ERBB4: variants seen among roughly 807,000 people sequenced by gnomAD.
ERBB4 encodes erb-b2 receptor tyrosine kinase 4, also known as receptor tyrosine-protein kinase erbB-4.
ERBB4 carries 42 observed loss-of-function variants against 158.0 expected under a neutral mutation model. The ratio of observed to expected loss-of-function variants is 0.27; its 90% CI spans 0.21 to 0.34. ERBB4 has a LOEUF of 0.34. Ranked by LOEUF, ERBB4 falls within the 10% of genes least tolerant of loss-of-function variation. The pLI is 1.00. For synonymous variants in ERBB4, 583 were observed against 558.7 expected (o/e 1.04, Z -0.61); for missense variants, 1,333 against 1,624.1 (o/e 0.82, Z 3.08).
intron 9 of ERBB4, among the ~76,000 whole-genome samples, chr2:211,706,331 G>A (rs768173197): frequency 4.6e-5 from 7 of 151,936 alleles, no homozygotes; most frequent in Non-Finnish European, 1.0e-4. Context: ...TTGGTATGGC[G>A]AATAACCATT....
intron 2 of ERBB4, among the ~76,000 whole-genome samples, chr2:211,949,719 G>C (rs1245435458): frequency 6.6e-6 from 1 of 151,958 alleles, no homozygotes; most frequent in African/African-American, 2.4e-5. Context: ...CTTTCATCTT[G>C]TTATCTTCTT....
chr2:211,826,354 GGA>G (rs896495860), intron 3 of ERBB4, among the ~76,000 whole-genome samples: 6 of 151,536 alleles, frequency 4.0e-5, no homozygotes, highest in Admixed American at 3.3e-4. Context: ...CTGTCTTTAT[GGA>G]ACCTTCTATC....
intron 13 of ERBB4, among the ~76,000 whole-genome samples, chr2:211,678,213 T>C (rs984938321): frequency 6.6e-6 from 1 of 151,900 alleles, no homozygotes; most frequent in Non-Finnish European, 1.5e-5. Context: ...TGGTAGTTTT[T>C]CTATTGGGCT....
chr2:211,509,414 C>A (rs1210660997), intron 20 of ERBB4, among the ~76,000 whole-genome samples: 2 of 151,948 alleles, frequency 1.3e-5, no homozygotes, highest in South Asian at 4.2e-4. Flanking sequence ...TGAAACTGGA[C>A]CCCTATCTTT....
intron 1 of ERBB4, among the ~76,000 whole-genome samples, chr2:212,231,179 G>A (rs1375118587): frequency 6.6e-6 from 1 of 151,690 alleles, no homozygotes; most frequent in Non-Finnish European, 1.5e-5. Flanking sequence ...GAACATCAGA[G>A]ATAACTAGAT....
intron 2 of ERBB4, among the ~76,000 whole-genome samples, chr2:212,008,044 T>C (rs1435224124): frequency 6.6e-6 from 1 of 152,062 alleles, no homozygotes; most frequent in African/African-American, 2.4e-5. Context: ...ATAAGCATAT[T>C]CATCTATTTT....
intron 2 of ERBB4, among the ~76,000 whole-genome samples, chr2:212,103,833 T>G (rs2079151252): frequency 6.6e-6 from 1 of 152,250 alleles, no homozygotes; most frequent in Non-Finnish European, 1.5e-5. Flanking sequence ...TGTTAAGAAC[T>G]GTGAAGTATT....
chr2:212,181,617 C>T (rs1045590307), intron 1 of ERBB4, among the ~76,000 whole-genome samples: 3 of 151,576 alleles, frequency 2.0e-5, no homozygotes, highest in Non-Finnish European at 3.0e-5. Flanking sequence ...TACTGCAATG[C>T]GTAGCAGTTA....
chr2:212,517,948 A>C (rs1406032653), intron 1 of ERBB4, among the ~76,000 whole-genome samples: 1 of 152,072 alleles, frequency 6.6e-6, no homozygotes, highest in Admixed American at 6.6e-5. Context: ...TAAAACACAA[A>C]ACAATCCTTC....
chr2:211,832,796 G>A (rs898045638), intron 3 of ERBB4, among the ~76,000 whole-genome samples: 14 of 150,104 alleles, frequency 9.3e-5, no homozygotes, highest in African/African-American at 2.7e-4. Context: ...CTGTCTATAC[G>A]CATTGATATT....
intron 19 of ERBB4, among the ~76,000 whole-genome samples, chr2:211,618,513 T>TA (rs964050061): frequency 1.4e-4 from 21 of 151,194 alleles, no homozygotes; most frequent in Admixed American, 4.6e-4. Context: ...TCCAGCCTTA[T>TA]AAAAAAAAAG....
chr2:212,351,186 G>A (rs1259342515), intron 1 of ERBB4, among the ~76,000 whole-genome samples: 1 of 152,096 alleles, frequency 6.6e-6, no homozygotes, highest in African/African-American at 2.4e-5. Context: ...CTTATAAGGA[G>A]AAGAAATTAG....
intron 19 of ERBB4, among the ~76,000 whole-genome samples, chr2:211,573,187 T>C (rs547092032): frequency 2.2e-4 from 33 of 151,838 alleles, no homozygotes; most frequent in Non-Finnish European, 4.1e-4. Flanking sequence ...GAGACAGAAA[T>C]TAGAGTGATG....
At chr2:211,629,461 G>C (rs1399371706) in intron 17 of ERBB4, among the ~76,000 whole-genome samples, 1 of 152,082 alleles carries the variant, frequency 6.6e-6, no homozygotes, top group Non-Finnish European at 1.5e-5. Flanking sequence ...CGTGAAAATG[G>C]CCATCCTGCC....
intron 3 of ERBB4, among the ~76,000 whole-genome samples, chr2:211,869,195 A>G (rs548353014): frequency 2.2e-4 from 33 of 152,306 alleles, no homozygotes; most frequent in African/African-American, 7.5e-4. Context: ...TACACAGCAC[A>G]GCATAATGCT....
chr2:211,657,090 AAAT>A (rs1346376385), intron 16 of ERBB4, among the ~76,000 whole-genome samples: 1 of 152,224 alleles, frequency 6.6e-6, no homozygotes, highest in Non-Finnish European at 1.5e-5. Context: ...GAATTAAATT[AAAT>A]AATAAACTTC....
chr2:212,468,511 T>A (rs1187540250), intron 1 of ERBB4, among the ~76,000 whole-genome samples: 1 of 152,198 alleles, frequency 6.6e-6, no homozygotes, highest in Admixed American at 6.5e-5. Context: ...ACATAAAATA[T>A]GACTTGCCCC....
At chr2:212,220,516 T>C (rs2083260196) in intron 1 of ERBB4, among the ~76,000 whole-genome samples, 1 of 151,430 alleles carries the variant, frequency 6.6e-6, no homozygotes, top group African/African-American at 2.4e-5. Flanking sequence ...AATAGGAATA[T>C]AGCATTCTCC....
rs2087881735 is a variant in ERBB4 at position 212,327,146 on chromosome 2, A to G, written c.83-202243T>C. The stretch of plus-strand genomic sequence containing the variant: ...AAATGAGTTCATACGTGTGAAGTAT[A>G]CTTCTGGTTACATGATAAACACTCA... On this transcript the variant is annotated intron_variant, in intron 1 of 27. Transcript: ENST00000342788. Among the ~76,000 whole-genome samples, 2 of 150,688 alleles carry G rather than the reference A, an allele frequency of 1.3e-5. 1 individual carries two copies. The highest frequency in any genetic ancestry group is 1.3e-4 in the Admixed American group (2 of 15,108).
Sources: allele counts gnomAD v4.1 joint callset (sites outside exome capture counted in the v4.1 genomes callset), GRCh38; gene constraint gnomAD v4.1.1; transcripts MANE v1.5; gene names NCBI Gene and HGNC (gene_info 2026-07-23, HGNC 2026-07-21).